Variants in WDPCP observed in about 807,000 individuals in gnomAD.
The protein encoded by WDPCP is WD repeat-containing and planar cell polarity effector protein fritz homolog.
WDPCP carries 71 observed loss-of-function variants against 93.1 expected under a neutral mutation model. That is an observed-to-expected ratio of 0.76 (90% CI 0.63 to 0.93). The LOEUF is 0.93. Among genes scored for constraint, WDPCP ranks in the 40% least tolerant of loss-of-function variants. The pLI is 0.00. For synonymous variants in WDPCP, 315 were observed against 315.0 expected (o/e 1.00, Z 0.00); for missense variants, 844 against 887.4 (o/e 0.95, Z 0.62).
intron 1 of WDPCP, among the ~76,000 whole-genome samples, chr2:63,579,284 T>C: frequency 6.6e-6 from 1 of 152,218 alleles, no homozygotes; most frequent in East Asian, 1.9e-4. Context: ...TTTAGCTCAT[T>C]TCCTCTTATT....
intron 6 of WDPCP, among the ~76,000 whole-genome samples, chr2:63,473,208 G>C (rs1237507152): frequency 6.6e-6 from 1 of 152,170 alleles, no homozygotes; most frequent in Non-Finnish European, 1.5e-5. Context: ...TTTACTCTGG[G>C]AAGAATAATC....
intron 11 of WDPCP, among the ~76,000 whole-genome samples, chr2:63,379,883 T>C (rs1053432977): frequency 6.6e-6 from 1 of 152,178 alleles, no homozygotes; most frequent in Non-Finnish European, 1.5e-5. Flanking sequence ...CGCACACACC[T>C]ACTTAAAATG....
chr2:63,172,659 T>C (rs1001009113), intron 15 of WDPCP, among the ~76,000 whole-genome samples: 1 of 152,184 alleles, frequency 6.6e-6, no homozygotes, highest in African/African-American at 2.4e-5. Context: ...ATCATGTTCT[T>C]AGCATGACTT....
intron 1 of WDPCP, among the ~76,000 whole-genome samples, chr2:63,547,802 G>A (rs1288380227): frequency 1.3e-5 from 2 of 151,258 alleles, no homozygotes; most frequent in East Asian, 3.9e-4. Context: ...GTGGGTACCA[G>A]AGGCTGGGAA....
At chr2:63,531,258 G>T (rs1703819552) in intron 1 of WDPCP, among the ~76,000 whole-genome samples, 1 of 152,224 alleles carries the variant, frequency 6.6e-6, no homozygotes, top group Admixed American at 6.5e-5. Flanking sequence ...TCCACCTCTG[G>T]GGGCAGGGGA....
intron 10 of WDPCP, among the ~76,000 whole-genome samples, chr2:63,400,505 T>C (rs541107594): frequency 2.6e-5 from 4 of 152,298 alleles, no homozygotes; most frequent in African/African-American, 9.6e-5. Context: ...ATATCCAGCA[T>C]CTATAAGGAA....
intron 2 of WDPCP, among the ~76,000 whole-genome samples, chr2:63,668,129 C>T (rs138242672): frequency 2.6e-5 from 4 of 152,158 alleles, no homozygotes; most frequent in Non-Finnish European, 4.4e-5. Flanking sequence ...GGCCACTATA[C>T]GGCAGAACAG....
intron 2 of WDPCP, among the ~76,000 whole-genome samples, chr2:63,708,385 T>C (rs928451302): frequency 6.6e-6 from 1 of 152,208 alleles, no homozygotes; most frequent in African/African-American, 2.4e-5. Context: ...ACTGCTGTGC[T>C]AGCAATGAGC....
intron 3 of WDPCP, chr2:63,622,943 G>T (rs539154303): frequency 3.3e-6 from 3 of 908,434 alleles, no homozygotes; most frequent in African/African-American, 3.3e-5. Context: ...TGCCAGGCTC[G>T]TAGCTCAGTC....
At chr2:63,710,743 G>A (rs1004354979) in intron 2 of WDPCP, among the ~76,000 whole-genome samples, 1 of 152,218 alleles carries the variant, frequency 6.6e-6, no homozygotes. Flanking sequence ...TGGTTGGGTG[G>A]AAGTAGGCTT....
chr2:63,827,242 C>A (rs544718279), intron 1 of WDPCP, among the ~76,000 whole-genome samples: 2 of 152,092 alleles, frequency 1.3e-5, no homozygotes, highest in African/African-American at 4.8e-5. Flanking sequence ...CTCCTTCTGA[C>A]CCTGTGTCAT....
At chr2:63,684,729 G>T (rs879202262) in intron 2 of WDPCP, 1 of 614,002 alleles carries the variant, frequency 1.6e-6, no homozygotes, top group Admixed American at 1.9e-5. Context: ...CTTTGTTTTG[G>T]TCATTAAAAA....
At chr2:63,258,775 T>C (rs893132438) in intron 14 of WDPCP, among the ~76,000 whole-genome samples, 3 of 152,210 alleles carry the variant, frequency 2.0e-5, no homozygotes, top group African/African-American at 7.2e-5. Flanking sequence ...TCATTTTTTA[T>C]GTTATAAAAT....
chr2:63,667,111 T>G (rs1710293541), intron 2 of WDPCP, among the ~76,000 whole-genome samples: 1 of 152,184 alleles, frequency 6.6e-6, no homozygotes, highest in Non-Finnish European at 1.5e-5. Flanking sequence ...AAAACTTAAA[T>G]TATATGCATT....
At chr2:63,302,795 C>G (rs1184098574) in intron 13 of WDPCP, among the ~76,000 whole-genome samples, 4 of 152,176 alleles carry the variant, frequency 2.6e-5, no homozygotes, top group Non-Finnish European at 4.4e-5. Context: ...GATGTAGACC[C>G]AGGACCCCAT....
intron 2 of WDPCP, among the ~76,000 whole-genome samples, chr2:63,778,765 C>A (rs1384683934): frequency 6.6e-6 from 1 of 152,202 alleles, no homozygotes; most frequent in African/African-American, 2.4e-5. Flanking sequence ...ACATAAATGT[C>A]TTAACCTTTA....
At chr2:63,831,697 A>G (rs1174109913), upstream of WDPCP, among the ~76,000 whole-genome samples, 3 of 152,228 alleles carry the variant, frequency 2.0e-5, no homozygotes, top group Admixed American at 6.5e-5. Flanking sequence ...ATATATATAT[A>G]TATAGTGAAT....
chr2:63,368,785 A>G (rs1691145358), intron 12 of WDPCP: 1 of 152,254 alleles, frequency 6.6e-6, no homozygotes, highest in Non-Finnish European at 1.5e-5. Context: ...CATTGTATTA[A>G]ACACAAAGGA....
At chr2:63,332,571 T>C (rs1688058125) in intron 12 of WDPCP, among the ~76,000 whole-genome samples, 1 of 152,204 alleles carries the variant, frequency 6.6e-6, no homozygotes, top group Non-Finnish European at 1.5e-5. Context: ...CTGTCCATTT[T>C]TTATTGCGTT....
Sources: allele counts gnomAD v4.1 joint callset (sites outside exome capture counted in the v4.1 genomes callset), GRCh38; gene constraint gnomAD v4.1.1; transcripts MANE v1.5; gene names NCBI Gene and HGNC (gene_info 2026-07-23, HGNC 2026-07-21).